The following CNTN1 variants were observed in gnomAD, a reference collection of about 807,000 sequenced individuals.
CNTN1 encodes the protein contactin 1.
A neutral mutation model predicts 126.4 loss-of-function variants in CNTN1; 38 were observed. That is an observed-to-expected ratio of 0.30 (90% CI 0.23 to 0.39). The LOEUF is 0.39. Ranked by LOEUF, CNTN1 falls within the 10% of genes least tolerant of loss-of-function variation. The pLI, the probability that CNTN1 is intolerant of heterozygous loss-of-function variation, is 1.00. For missense variants in CNTN1, 1,009 were observed against 1,248.4 expected, an observed-to-expected ratio of 0.81 and a Z score of 2.89; for synonymous variants, 413 against 422.6, an observed-to-expected ratio of 0.98 and a Z score of 0.28.
intron 17 of CNTN1, among the ~76,000 whole-genome samples, chr12:41,008,310 G>T (rs1167862491): frequency 2.0e-5 from 3 of 152,084 alleles, no homozygotes; most frequent in Non-Finnish European, 4.4e-5. Flanking sequence ...TAACAGTAGG[G>T]TTTGTTACCT....
At chr12:40,911,220 A>G (rs1371661888) in intron 3 of CNTN1, among the ~76,000 whole-genome samples, 3 of 152,102 alleles carry the variant, frequency 2.0e-5, no homozygotes, top group African/African-American at 4.8e-5. Context: ...AGCTGGGACT[A>G]CAGGCACCCG....
intron 6 of CNTN1, among the ~76,000 whole-genome samples, chr12:40,925,529 T>TTGTG (rs34980396): frequency 6.2e-4 from 87 of 141,276 alleles, no homozygotes; most frequent in African/African-American, 1.5e-3. Flanking sequence ...CCACATGAAA[T>TTGTG]TGTGTGTGTG....
chr12:40,852,904 T>C (rs1246617515), intron 1 of CNTN1, among the ~76,000 whole-genome samples: 2 of 151,526 alleles, frequency 1.3e-5, no homozygotes, highest in East Asian at 1.9e-4. Context: ...TTTTTTATCC[T>C]GAGAGAATTT....
At chr12:40,850,531 T>C (rs1254057176) in intron 1 of CNTN1, among the ~76,000 whole-genome samples, 3 of 152,068 alleles carry the variant, frequency 2.0e-5, no homozygotes, top group Admixed American at 1.3e-4. Context: ...TGTTCCTTTA[T>C]CATTCTTTGC....
chr12:40,956,024 C>G (rs1946867968), intron 14 of CNTN1, among the ~76,000 whole-genome samples: 1 of 152,054 alleles, frequency 6.6e-6, no homozygotes, highest in African/African-American at 2.4e-5. Flanking sequence ...GTACTTCACT[C>G]TCACACAAGA....
chr12:41,025,495 T>C (rs1566168714), intron 21 of CNTN1, among the ~76,000 whole-genome samples, 159 bp downstream of exon 21: 1 of 152,170 alleles, frequency 6.6e-6, no homozygotes, highest in Non-Finnish European at 1.5e-5. Flanking sequence ...TGAATTATTG[T>C]AGATGATGAA....
intron 1 of CNTN1, among the ~76,000 whole-genome samples, chr12:40,888,052 A>G (rs1040978049): frequency 3.3e-5 from 5 of 150,912 alleles, no homozygotes; most frequent in Admixed American, 3.3e-4. Context: ...ATTAGGAGAT[A>G]TACCTAATGC....
intron 23 of CNTN1, among the ~76,000 whole-genome samples, chr12:41,043,765 A>T (rs1001485743): frequency 4.0e-5 from 6 of 151,678 alleles, no homozygotes; most frequent in African/African-American, 1.5e-4. Flanking sequence ...TCCAACAATG[A>T]TAGACTGGAT....
At position 40,942,118 on chromosome 12, in the gene CNTN1, G is replaced by A. The variant is rs912011395; in HGVS notation, c.1380-1479G>A. ...GCTACTTCATTATAATTTTTGTTGTGCTTCTTGAAAAATAATTAAATGAAA... is the reference window on the plus strand; with the variant it reads ...GCTACTTCATTATAATTTTTGTTGTACTTCTTGAAAAATAATTAAATGAAA... On this transcript the variant is annotated intron_variant, in intron 12 of 23. Transcript: ENST00000551295. Among the ~76,000 whole-genome samples, 72 of 152,152 alleles carry A rather than the reference G, an allele frequency of 4.7e-4. 1 individual carries two copies. The highest frequency in any genetic ancestry group is 1.6e-3 in the African/African-American group (67 of 41,534).
rs191028389 is a variant in CNTN1, at chr12:40,830,681, C to A, written c.-76-77676C>A. On this transcript the variant is annotated intron_variant, in intron 1 of 23. Coordinates refer to ENST00000551295, the MANE Select transcript of CNTN1 (RefSeq NM_001843.4). The stretch of plus-strand genomic sequence containing the variant: ...TTTAAAGTAGAAAGGTGTAATATTT[C>A]TTTATAGGGAATAAATACTGATAGA... Among the ~76,000 whole-genome samples, 386 of 147,988 alleles carry A rather than the reference C, an allele frequency of 2.6e-3. 4 individuals are homozygous for A. Among genetic ancestry groups the A allele is most frequent in the Admixed American group, 0.013 (194 of 14,780 alleles).
At chr12:41,063,734 T>C (rs752148186) in intron 23 of CNTN1, among the ~76,000 whole-genome samples, 10 of 152,138 alleles carry the variant, frequency 6.6e-5, no homozygotes, top group Non-Finnish European at 1.3e-4. Context: ...TGGGGATAGG[T>C]GTGTGACCTG....
At chr12:41,011,135 G>T (rs1184541979) in intron 17 of CNTN1, among the ~76,000 whole-genome samples, 1 of 152,086 alleles carries the variant, frequency 6.6e-6, no homozygotes, top group South Asian at 2.1e-4. Context: ...TCAGAAAATT[G>T]GCCTAAATCT....
intron 17 of CNTN1, among the ~76,000 whole-genome samples, chr12:41,001,526 A>T (rs1036908009): frequency 2.0e-5 from 3 of 151,858 alleles, no homozygotes; most frequent in South Asian, 4.1e-4. Flanking sequence ...AGTTTGCAAA[A>T]TTTTTTTCCC....
intron 1 of CNTN1, among the ~76,000 whole-genome samples, chr12:40,883,445 C>T (rs1343447305): frequency 6.6e-5 from 10 of 151,560 alleles, no homozygotes; most frequent in Admixed American, 5.9e-4. Flanking sequence ...CAAGAAAATT[C>T]TAGTGATTTT....
chr12:40,753,931 C>A (rs1003318042), intron 1 of CNTN1, among the ~76,000 whole-genome samples: 6 of 151,918 alleles, frequency 3.9e-5, no homozygotes, highest in Admixed American at 6.6e-5. Context: ...TAATTTAATT[C>A]ATCTCCTATT....
intron 23 of CNTN1, among the ~76,000 whole-genome samples, chr12:41,041,446 G>A (rs908070130): frequency 6.6e-6 from 1 of 152,148 alleles, no homozygotes; most frequent in Non-Finnish European, 1.5e-5. Flanking sequence ...AGTTAGGGAG[G>A]ATTCCCTCTT....
chr12:40,701,770 G>A (rs1218115169), intron 1 of CNTN1, among the ~76,000 whole-genome samples: 1 of 152,154 alleles, frequency 6.6e-6, no homozygotes, highest in Non-Finnish European at 1.5e-5. Context: ...TTCTGCACAA[G>A]TTGAGTGGTA....
chr12:40,826,665 A>G (rs1188527143), intron 1 of CNTN1, among the ~76,000 whole-genome samples: 1 of 152,208 alleles, frequency 6.6e-6, no homozygotes, highest in Non-Finnish European at 1.5e-5. Flanking sequence ...AAGGGCTGAT[A>G]TCAACTGCTA....
chr12:40,927,042 G>A (rs1417174962), intron 6 of CNTN1, among the ~76,000 whole-genome samples: 1 of 131,476 alleles, frequency 7.6e-6, no homozygotes, highest in African/African-American at 2.8e-5. Context: ...GGGGGTGATG[G>A]AATATCAATT....
Sources: allele counts gnomAD v4.1 joint callset (sites outside exome capture counted in the v4.1 genomes callset), GRCh38; gene constraint gnomAD v4.1.1; transcripts MANE v1.5; gene names NCBI Gene and HGNC (gene_info 2026-07-23, HGNC 2026-07-21).